Variants in VPS37A observed in about 807,000 individuals in gnomAD.
VPS37A encodes the protein VPS37A subunit of ESCRT-I.
VPS37A carries 30 observed loss-of-function variants against 49.8 expected under a neutral mutation model. The ratio of observed to expected loss-of-function variants is 0.60; its 90% CI spans 0.45 to 0.82. VPS37A has a LOEUF of 0.82. VPS37A is among the 40% of genes least tolerant of loss of function. VPS37A has a pLI of 0.00. For synonymous variants in VPS37A, 195 were observed against 160.6 expected, an observed-to-expected ratio of 1.21 and a Z score of -1.62; for missense variants, 593 against 464.4, an observed-to-expected ratio of 1.28 and a Z score of -2.55.
chr8:17,277,378 A>T (rs997128586), intron 6 of VPS37A, among the ~76,000 whole-genome samples: 2 of 151,944 alleles, frequency 1.3e-5, no homozygotes, highest in African/African-American at 4.8e-5. Context: ...TTTGCTTTAA[A>T]TTTTTTTTAA....
intron 1 of VPS37A, among the ~76,000 whole-genome samples, chr8:17,261,346 A>G (rs1358907761): frequency 6.6e-6 from 1 of 152,196 alleles, no homozygotes; most frequent in East Asian, 1.9e-4. Flanking sequence ...TCTCTTTGTT[A>G]AATTTCTCTG....
chr8:17,284,614 A>G lies in VPS37A; in HGVS notation c.1111A>G (p.Thr371Ala). 6.3e-7 allele frequency: 1 copy of G among 1,599,276 alleles called. No homozygotes were observed. The highest frequency in any genetic ancestry group is 8.5e-7 in the Non-Finnish European group (1 of 1,175,238). ...TCTCAGTAGCTTCATGGAAAAGAGA[A>G]CAGTATGTAATACTCGTCAGTTGAG... is the stretch of plus-strand genomic sequence containing the variant. The part of the protein sequence containing the change: ...DFLSSFMEKR[T>A]ICHCRRAKEE... The change falls in exon 10 of 12, where the codon ACA becomes GCA. Residue 371 changes from threonine to alanine, a missense_variant and splice_region_variant. Physicochemically the swap from Thr to Ala is moderately conservative, Grantham distance 58. Transcript: ENST00000324849.
the VPS37A span, among the ~76,000 whole-genome samples, chr8:17,308,983 T>C: frequency 6.6e-6 from 1 of 152,192 alleles, no homozygotes; most frequent in Non-Finnish European, 1.5e-5. Context: ...ATTTAGTAAG[T>C]CACATGCAAA....
At chr8:17,316,888 T>G in the VPS37A span, among the ~76,000 whole-genome samples, 1 of 152,040 alleles carries the variant, frequency 6.6e-6, no homozygotes, top group Admixed American at 6.6e-5. Context: ...CTGGAAACAA[T>G]TCTCCTTGGA....
downstream of VPS37A, chr8:17,301,729 C>G (rs1380194521): frequency 1.1e-5 from 2 of 175,028 alleles, no homozygotes; most frequent in Non-Finnish European, 1.2e-5. Context: ...AAAGATAAGA[C>G]TTTACAGTCA....
chr8:17,312,836 T>G, the VPS37A span, among the ~76,000 whole-genome samples: 1 of 152,110 alleles, frequency 6.6e-6, no homozygotes. Context: ...ACAAAAGACA[T>G]TGCATTCTAA....
At chr8:17,268,592 C>G (rs998006904) in intron 3 of VPS37A, among the ~76,000 whole-genome samples, 2 of 151,960 alleles carry the variant, frequency 1.3e-5, no homozygotes, top group South Asian at 2.1e-4. Context: ...ACCTTTGAAC[C>G]CTCAAATTAT....
downstream of VPS37A, among the ~76,000 whole-genome samples, chr8:17,300,503 C>T (rs1817043525): frequency 1.3e-5 from 2 of 152,168 alleles, no homozygotes; most frequent in African/African-American, 4.8e-5. Context: ...TAGTCTCCCT[C>T]TTTTCTATAC....
chr8:17,256,827 T>C (rs1563241993), intron 1 of VPS37A, among the ~76,000 whole-genome samples: 1 of 152,022 alleles, frequency 6.6e-6, no homozygotes, highest in Non-Finnish European at 1.5e-5. Flanking sequence ...TAATTTTGTA[T>C]CTTTAGTAGA....
At chr8:17,271,775 G>T (rs927753818) in intron 4 of VPS37A, among the ~76,000 whole-genome samples, 2 of 152,062 alleles carry the variant, frequency 1.3e-5, no homozygotes, top group African/African-American at 4.8e-5. Flanking sequence ...TTTCTTACTC[G>T]ACAGCACTCT....
At chr8:17,302,506 A>G (rs1817183684), downstream of VPS37A, 2 of 459,726 alleles carry the variant, frequency 4.4e-6, no homozygotes, top group Admixed American at 7.9e-5. Flanking sequence ...GTCTGCCTGT[A>G]TATATGAATT....
chr8:17,286,453 T>C (rs1385337301), intron 11 of VPS37A, 26 bp downstream of exon 11: 5 of 1,595,418 alleles, frequency 3.1e-6, no homozygotes, highest in African/African-American at 1.3e-5. Context: ...AGTTTGAGTC[T>C]CAAGGTGATT....
At chr8:17,311,877 C>G in the VPS37A span, 1 of 512,926 alleles carries the variant, frequency 1.9e-6, no homozygotes, top group Non-Finnish European at 3.5e-6. Flanking sequence ...CTCCAATAAG[C>G]GCATGTACTT....
Position 17,295,143 on chromosome 8 carries a change from T to A in VPS37A, c.*157T>A, listed in dbSNP as rs962757692. The A allele has an allele frequency of 6.6e-6, 1 of 152,644 alleles. No homozygotes were observed. The highest frequency in any genetic ancestry group is 1.5e-5 in the Non-Finnish European group (1 of 68,032). The allele number at this position is 152,644 out of a possible 1,614,324, so 9.5% of individuals were successfully genotyped here. A position where few individuals can be genotyped will look rare whatever the true frequency, so the allele number is the denominator to read the frequency against. On this transcript the variant is annotated 3_prime_UTR_variant, in exon 12 of 12. Transcript: ENST00000324849. ...GAACTGAGACTGATTTTGTACCGATTAGAATGATTGCTATGATCTTTGAGA... is the reference window on the plus strand; with the variant it reads ...GAACTGAGACTGATTTTGTACCGATAAGAATGATTGCTATGATCTTTGAGA...
At chr8:17,302,670 G>A (rs183740142), downstream of VPS37A, among the ~76,000 whole-genome samples, 6 of 115,630 alleles carry the variant, frequency 5.2e-5, no homozygotes, top group East Asian at 9.9e-4. Context: ...TTTGTATCAC[G>A]ACCACTAAAA....
chr8:17,312,973 A>T, the VPS37A span, among the ~76,000 whole-genome samples: 460 of 152,334 alleles, frequency 3.0e-3, 5 homozygotes, highest in Non-Finnish European at 4.2e-3. Context: ...GTAAGCCCCA[A>T]GCCCCATCAC....
chr8:17,331,107 T>C, the VPS37A span: 1 of 1,584,380 alleles, frequency 6.3e-7, no homozygotes, highest in Non-Finnish European at 8.5e-7. Flanking sequence ...GGCATCAAAA[T>C]ACTTAACTGC....
At position 17,280,403 on chromosome 8, in the gene VPS37A, C is replaced by T. The variant is rs146110170; in HGVS notation, c.929C>T (p.Thr310Ile). The change falls in exon 9 of 12, where the codon ACT becomes ATT. Residue 310 changes from threonine to isoleucine, a missense_variant. By Grantham distance (89) the Thr-to-Ile change is moderately conservative. Transcript: ENST00000324849. ...GAATTACTTACACAGATGAAGTCCACTTTCGAAAAGAAGATGCAAAGGCAG... is the reference window on the plus strand; with the variant it reads ...GAATTACTTACACAGATGAAGTCCATTTTCGAAAAGAAGATGCAAAGGCAG... ...KYELLTQMKS[T>I]FEKKMQRQHE... The T allele has an allele frequency of 2.1e-5, 33 of 1,609,484 alleles. No homozygotes were observed. In the African/African-American group the frequency reaches 2.5e-4, roughly 12 times the overall value.
At chr8:17,327,080 T>G in the VPS37A span, among the ~76,000 whole-genome samples, 1 of 152,212 alleles carries the variant, frequency 6.6e-6, no homozygotes, top group Non-Finnish European at 1.5e-5. Flanking sequence ...ACCTGAATTT[T>G]TTGCTTACAT....
Sources: allele counts gnomAD v4.1 joint callset (sites outside exome capture counted in the v4.1 genomes callset), GRCh38; gene constraint gnomAD v4.1.1; transcripts MANE v1.5; gene names NCBI Gene and HGNC (gene_info 2026-07-23, HGNC 2026-07-21).